DMXL1: variants seen among roughly 807,000 people sequenced by gnomAD.
DMXL1 encodes the protein dmX-like protein 1.
In DMXL1, 99 loss-of-function variants were observed where a neutral mutation model predicts 319.2. That is an observed-to-expected ratio of 0.31 (90% CI 0.26 to 0.37). The LOEUF (loss-of-function observed/expected upper bound fraction) is 0.37. Among genes scored for constraint, DMXL1 ranks in the 10% least tolerant of loss-of-function variants. The pLI, the probability that DMXL1 is intolerant of heterozygous loss-of-function variation, is 1.00. For synonymous variants in DMXL1, 1,385 were observed against 1,235.2 expected (o/e 1.12, Z -2.54); for missense variants, 3,745 against 3,595.6 (o/e 1.04, Z -1.06).
At position 119,166,764 on chromosome 5, in the gene DMXL1, C is replaced by T; in HGVS notation, c.5119C>T (p.Leu1707Phe). ...SAAFFLLAGC[L>F]RDAIEVCLEK... ...AGCATTTTTTCTTTTAGCTGGTTGC[C>T]TCAGAGATGCAATTGAGGTAATGAG... The change falls in exon 22 of 44, where the codon CTC (leucine) becomes TTC (phenylalanine). Residue 1707 changes from leucine to phenylalanine, a missense_variant. Leu to Phe is a conservative substitution (Grantham distance 22, BLOSUM62 0). This residue lies in a region of DMXL1 where 1,382 missense variants were observed against 1,269.5 expected (regional missense o/e 1.09). Coordinates refer to ENST00000539542, the MANE Select transcript of DMXL1 (RefSeq NM_001290321.3). 1.2e-6 allele frequency: 2 copies of T among 1,610,412 alleles called. No homozygotes were observed. The highest frequency in any genetic ancestry group is 1.7e-6 in the Non-Finnish European group (2 of 1,178,712).
At chr5:119,116,047 C>T in intron 6 of DMXL1, 111 bp from the exon 7 acceptor site, 1 of 966,750 alleles carries the variant, frequency 1.0e-6, no homozygotes, top group Non-Finnish European at 1.5e-6. Context: ...CTCAACGTCT[C>T]TTCCCATCCC....
intron 19 of DMXL1, among the ~76,000 whole-genome samples, chr5:119,164,006 C>T (rs1275660864): frequency 1.3e-5 from 2 of 152,108 alleles, no homozygotes; most frequent in Non-Finnish European, 2.9e-5. Flanking sequence ...CCACCGCACC[C>T]TGCTAGAGCT....
At position 119,133,563 on chromosome 5, in the gene DMXL1, A is replaced by G; in HGVS notation, c.1639A>G (p.Met547Val). 1 of 1,614,094 alleles carries G rather than the reference A, an allele frequency of 6.2e-7. No homozygotes were observed. The highest frequency in any genetic ancestry group is 8.5e-7 in the Non-Finnish European group (1 of 1,180,004). Residue 547 changes from methionine to valine, a missense_variant, in exon 12 of 44, where the codon ATG becomes GTG. By Grantham distance (21) the Met-to-Val change is conservative (BLOSUM62 1). Around this residue, in one of 4 missense-constraint regions of DMXL1, gnomAD observed 2,096 missense variants for 1,985.4 expected, o/e 1.06. Transcript: ENST00000539542. ...TGCAAACTCTCTCTGTAAAAGCATA[A>G]TGATGTATGCCTGTACCAAGAATGT... ...GDANSLCKSI[M>V]MYACTKNVDL... is the part of the protein sequence containing the mutation.
chr5:119,217,046 C>T, intron 35 of DMXL1, 59 bp downstream of exon 35: 1 of 999,490 alleles, frequency 1.0e-6, no homozygotes. Flanking sequence ...ATAATATCTT[C>T]TGTTTTATCA....
chr5:119,084,976 T>C (rs1753035889), intron 1 of DMXL1, among the ~76,000 whole-genome samples: 2 of 152,118 alleles, frequency 1.3e-5, no homozygotes, highest in African/African-American at 4.8e-5. Context: ...TGTGTCTGCA[T>C]CAATTTCTTT....
rs114241289 is a variant in DMXL1, at chr5:119,113,671, T to A, written c.498-804T>A. 8.2e-3 allele frequency among the ~76,000 whole-genome samples: 1,248 copies of A among 152,288 alleles called. 13 individuals are homozygous for A. Among genetic ancestry groups the A allele is most frequent in the Non-Finnish European group, 0.011 (730 of 68,004 alleles). On this transcript the variant is annotated intron_variant, in intron 5 of 43. Transcript: ENST00000539542. ...AGTTTATGTATTAAAATGTTAACAT[T>A]GGCTTTGTCTGAGGAAAGGATGTGG...
Position 119,143,861 on chromosome 5 carries a change from T to C in DMXL1, c.2397T>C (p.Phe799=). The change falls in exon 14 of 44, where the codon TTT becomes TTC. Residue 799 remains phenylalanine, a synonymous_variant. Transcript: ENST00000539542. ...AACAGAAATATGTTGGTGAAGTCTT[T>C]AACATCGTCAGTCAACAATCAACAG... is the stretch of plus-strand genomic sequence containing the variant. The part of the protein sequence containing the change: ...PEISKYVGEV[F]NIVSQQSTAR... The C allele has an allele frequency of 1.3e-6, 2 of 1,586,788 alleles. No individual in the cohort carries two copies. The highest frequency in any genetic ancestry group is 1.7e-6 in the Non-Finnish European group (2 of 1,167,230).
rs544076331 is a variant in DMXL1, at chr5:119,071,181, T to C, written c.-389T>C. 46 of 244,802 alleles carry C rather than the reference T, an allele frequency of 1.9e-4. No homozygotes were observed. Among genetic ancestry groups the C allele is most frequent in the African/African-American group, 1.1e-3 (45 of 42,230 alleles). The allele number at this position is 244,802 out of a possible 1,614,324, so 15.2% of individuals were successfully genotyped here. On this transcript the variant is annotated 5_prime_UTR_variant, in exon 1 of 44. Coordinates refer to ENST00000539542, the MANE Select transcript of DMXL1 (RefSeq NM_001290321.3). The stretch of plus-strand genomic sequence containing the variant: ...GCGGGGAGTGCGAGCGCGTACTGCT[T>C]GCGCCACTCGGGCTGGGTCAGGAGC...
At chr5:119,094,990 G>A (rs949455444) in intron 1 of DMXL1, among the ~76,000 whole-genome samples, 1 of 151,900 alleles carries the variant, frequency 6.6e-6, no homozygotes, top group African/African-American at 2.4e-5. Flanking sequence ...TGGGTAGCTG[G>A]GACTACAGGC....
At chr5:119,187,898 T>C (rs1778025955) in intron 28 of DMXL1, among the ~76,000 whole-genome samples, 2 of 152,198 alleles carry the variant, frequency 1.3e-5, no homozygotes, top group South Asian at 4.1e-4. Flanking sequence ...TCAGGTGATC[T>C]GCCCACCTCT....
intron 34 of DMXL1, among the ~76,000 whole-genome samples, chr5:119,215,536 C>T (rs1268845356): frequency 6.6e-6 from 1 of 151,756 alleles, no homozygotes; most frequent in Non-Finnish European, 1.5e-5. Flanking sequence ...AAATTTTGTA[C>T]TTTTCTCCAT....
Position 119,121,056 on chromosome 5 carries a change from C to G in DMXL1, c.1019C>G (p.Pro340Arg), listed in dbSNP as rs371098907. 3 of 1,613,654 alleles carry G rather than the reference C, an allele frequency of 1.9e-6. No homozygotes were observed. Among genetic ancestry groups the G allele is most frequent in the African/African-American group, 2.7e-5 (2 of 74,898 alleles). ...GGATATCTACCACATCAGCAGGATC[C>G]TCATCATGTTCACAGGAACACTCCA... is the stretch of plus-strand genomic sequence containing the variant. ...HTGYLPHQQD[P>R]HHVHRNTPLH... Residue 340 changes from proline (P) to arginine (R), a missense_variant, in exon 9 of 44, where the codon CCT (proline) becomes CGT (arginine). Around this residue, in one of 4 missense-constraint regions of DMXL1, gnomAD observed 2,096 missense variants for 1,985.4 expected, o/e 1.06. Transcript: ENST00000539542.
intron 1 of DMXL1, among the ~76,000 whole-genome samples, chr5:119,090,049 T>C (rs535402821): frequency 2.3e-5 from 3 of 130,364 alleles, no homozygotes; most frequent in Admixed American, 8.6e-5. Flanking sequence ...AGAAGGACTT[T>C]CGCTCTTGTC....
intron 13 of DMXL1, among the ~76,000 whole-genome samples, chr5:119,140,031 TA>T (rs1361606983): frequency 6.6e-6 from 1 of 152,074 alleles, no homozygotes; most frequent in Admixed American, 6.6e-5. Flanking sequence ...TTTGGGTAAA[TA>T]GTGAAATTAA....
rs748174112 is a variant in DMXL1 at position 119,167,847 on chromosome 5, C to G, written c.5381C>G (p.Pro1794Arg). The change falls in exon 23 of 44, where the codon CCT becomes CGT. Residue 1794 changes from proline to arginine, a missense_variant. Transcript: ENST00000539542. Reference protein sequence around the residue: ...SGALETLIKQPIRENDDQVLS... With the variant: ...SGALETLIKQRIRENDDQVLS... ...GCTCTGGAAACATTAATAAAGCAACCTATCAGAGAGAATGATGGTAAGCTG... is the reference window on the plus strand; with the variant it reads ...GCTCTGGAAACATTAATAAAGCAACGTATCAGAGAGAATGATGGTAAGCTG... 3.1e-5 allele frequency: 50 copies of G among 1,611,508 alleles called. No individual in the cohort carries two copies. Among genetic ancestry groups the G allele is most frequent in the Non-Finnish European group, 4.2e-5 (50 of 1,179,324 alleles).
intron 13 of DMXL1, among the ~76,000 whole-genome samples, chr5:119,140,614 A>G (rs867079574): frequency 8.5e-5 from 13 of 152,074 alleles, no homozygotes; most frequent in African/African-American, 3.1e-4. Context: ...AGTCAGTAAT[A>G]AATAGCCTAC....
chr5:119,236,487 A>G (rs1452770882), intron 39 of DMXL1: 1 of 152,038 alleles, frequency 6.6e-6, no homozygotes, highest in African/African-American at 2.4e-5. Context: ...GTGTAATACT[A>G]CACACAGCAC....
chr5:119,215,275 T>C (rs1225300268), intron 34 of DMXL1, among the ~76,000 whole-genome samples: 2 of 152,156 alleles, frequency 1.3e-5, no homozygotes, highest in Non-Finnish European at 2.9e-5. Flanking sequence ...CTTTGAACTT[T>C]CCAATTGAAC....
intron 9 of DMXL1, among the ~76,000 whole-genome samples, chr5:119,123,650 A>C (rs868168763): frequency 6.6e-6 from 1 of 151,776 alleles, no homozygotes; most frequent in African/African-American, 2.4e-5. Context: ...CAGATATAGT[A>C]TTGTATTTTT....
Sources: gnomAD v4.1 joint callset for allele counts (sites outside exome capture counted in the v4.1 genomes callset) on GRCh38, gnomAD v4.1.1 for gene constraint, gnomAD v4.1.1 regional missense constraint, MANE v1.5 for transcripts, NCBI Gene and HGNC (gene_info 2026-07-23, HGNC 2026-07-21) for gene names.